Variants in SMC6 observed in about 807,000 individuals in gnomAD.
SMC6 encodes structural maintenance of chromosomes protein 6.
In SMC6, 79 loss-of-function variants were observed where a neutral mutation model predicts 142.2. That is an observed-to-expected ratio of 0.56 (90% confidence interval 0.46 to 0.67). The LOEUF (loss-of-function observed/expected upper bound fraction) is 0.67, where lower values mean the gene tolerates loss of function less well. Ranked by LOEUF, SMC6 falls within the 30% of genes least tolerant of loss-of-function variation. The pLI is 0.00. For synonymous variants in SMC6, 411 were observed against 412.4 expected, an observed-to-expected ratio of 1.00 and a Z score of 0.04; for missense variants, 1,072 against 1,284.0, an observed-to-expected ratio of 0.83 and a Z score of 2.52.
chr2:17,683,877 G>A, intron 23 of SMC6, 114 bp from the exon 24 acceptor site: 1 of 882,468 alleles, frequency 1.1e-6, no homozygotes, highest in Admixed American at 2.3e-5. Context: ...AGTACTAAGG[G>A]GGCCTAGTAG....
chr2:17,675,836 G>A (rs1666973999), intron 25 of SMC6, among the ~76,000 whole-genome samples: 1 of 151,956 alleles, frequency 6.6e-6, no homozygotes, highest in African/African-American at 2.4e-5. Flanking sequence ...TAAATTTCAG[G>A]TATGGTTTTC....
chr2:17,752,480 A>G (rs1162453308), intron 2 of SMC6, among the ~76,000 whole-genome samples: 1 of 152,226 alleles, frequency 6.6e-6, no homozygotes, highest in African/African-American at 2.4e-5. Flanking sequence ...TTGCATAAGA[A>G]GAACTGAAAC....
intron 20 of SMC6, 50 bp downstream of exon 20, chr2:17,701,779 G>A: frequency 8.8e-7 from 1 of 1,132,300 alleles, no homozygotes; most frequent in South Asian, 1.5e-5. Context: ...TAACCTAAAT[G>A]GTGGCTTTAC....
At chr2:17,746,982 C>A (rs1466437623) in intron 2 of SMC6, among the ~76,000 whole-genome samples, 1 of 152,154 alleles carries the variant, frequency 6.6e-6, no homozygotes, top group African/African-American at 2.4e-5. Flanking sequence ...GCTCCCCTAC[C>A]CATGCAAGCA....
chr2:17,669,211 T>C (rs369929123), intron 26 of SMC6, among the ~76,000 whole-genome samples: 27 of 152,058 alleles, frequency 1.8e-4, no homozygotes, highest in African/African-American at 5.8e-4. Flanking sequence ...TTAATCAAGG[T>C]AGGGAATTCA....
chr2:17,708,434 G>C (rs114365195), intron 17 of SMC6, among the ~76,000 whole-genome samples: 2,137 of 152,142 alleles, frequency 0.014, 17 homozygotes, highest in Non-Finnish European at 0.016. Context: ...AAGAACAGCT[G>C]AAAATTATAA....
intron 2 of SMC6, among the ~76,000 whole-genome samples, chr2:17,750,827 C>A (rs1428752684): frequency 6.9e-6 from 1 of 145,134 alleles, no homozygotes; most frequent in Non-Finnish European, 1.5e-5. Context: ...ATGGTGAAAC[C>A]CCATCTCTAC....
chr2:17,714,992 G>T lies in SMC6; in HGVS notation c.1599C>A (p.Ala533=). The T allele has an allele frequency of 6.2e-7, 1 of 1,613,970 alleles. No individual in the cohort carries two copies. The highest frequency in any genetic ancestry group is 8.5e-7 in the Non-Finnish European group (1 of 1,179,948). The change falls in exon 16 of 28, where the codon GCC becomes GCA. Residue 533 remains alanine, a synonymous_variant. Transcript: ENST00000448223. The part of the protein sequence containing the change: ...IESCLKGLLQ[A]YCCHNHADER... ...CATCAGCATGATTATGGCAACAATAGGCCTGCAGAAGCCCTTTTAAGCAAG... is the reference window on the plus strand; with the variant it reads ...CATCAGCATGATTATGGCAACAATATGCCTGCAGAAGCCCTTTTAAGCAAG...
chr2:17,710,122 C>G (rs1457504109), intron 16 of SMC6, among the ~76,000 whole-genome samples: 3 of 152,156 alleles, frequency 2.0e-5, no homozygotes, highest in African/African-American at 7.2e-5. Flanking sequence ...GCCAAGTAAC[C>G]AGAAGCAGGG....
intron 25 of SMC6, among the ~76,000 whole-genome samples, chr2:17,678,183 C>G (rs1371362876): frequency 6.6e-6 from 1 of 152,090 alleles, no homozygotes; most frequent in East Asian, 1.9e-4. Flanking sequence ...ACCATCTTTG[C>G]TTCCTTTTAG....
At chr2:17,687,844 C>T (rs1159295230) in intron 23 of SMC6, among the ~76,000 whole-genome samples, 2 of 151,906 alleles carry the variant, frequency 1.3e-5, no homozygotes, top group African/African-American at 2.4e-5. Context: ...ATAACTACAA[C>T]AATAAAGAAA....
chr2:17,708,437 A>C (rs1668659168), intron 17 of SMC6, among the ~76,000 whole-genome samples: 1 of 152,154 alleles, frequency 6.6e-6, no homozygotes, highest in Non-Finnish European at 1.5e-5. Context: ...AACAGCTGAA[A>C]ATTATAAAGT....
intron 5 of SMC6, among the ~76,000 whole-genome samples, chr2:17,733,250 GTGTTTGCTC>G (rs1170720954): frequency 1.3e-5 from 2 of 152,360 alleles, no homozygotes; most frequent in East Asian, 3.9e-4. Context: ...ACACAGTGAA[GTGTTTGCTC>G]TGTTGCTCCA....
intron 7 of SMC6, among the ~76,000 whole-genome samples, chr2:17,727,919 C>T (rs1324508575): frequency 2.6e-5 from 4 of 152,082 alleles, no homozygotes; most frequent in Admixed American, 1.3e-4. Flanking sequence ...ATTATATAGA[C>T]CAGACTCCAT....
At chr2:17,677,813 G>A (rs1354499938) in intron 25 of SMC6, among the ~76,000 whole-genome samples, 2 of 152,114 alleles carry the variant, frequency 1.3e-5, no homozygotes, top group Non-Finnish European at 2.9e-5. Flanking sequence ...AAATTAAAGA[G>A]AGAGTAAAAG....
At chr2:17,677,852 A>G (rs987801864) in intron 25 of SMC6, among the ~76,000 whole-genome samples, 5 of 152,182 alleles carry the variant, frequency 3.3e-5, no homozygotes, top group African/African-American at 1.2e-4. Context: ...TAAAATGCAG[A>G]GCTTTTAAAC....
At chr2:17,742,388 A>G (rs770524837) in intron 3 of SMC6, among the ~76,000 whole-genome samples, 6 of 152,208 alleles carry the variant, frequency 3.9e-5, no homozygotes, top group Admixed American at 6.5e-5. Flanking sequence ...TTGGCAATGT[A>G]TAAAGCATAT....
intron 3 of SMC6, 96 bp from the exon 4 acceptor site, chr2:17,741,825 CAATGAAAA>C: frequency 1.4e-6 from 1 of 700,972 alleles, no homozygotes; most frequent in East Asian, 2.7e-5. Context: ...GCACCATCAC[CAATGAAAA>C]AATTTACAGA....
intron 23 of SMC6, 41 bp downstream of exon 23, chr2:17,695,111 A>G: frequency 6.2e-7 from 1 of 1,603,784 alleles, no homozygotes; most frequent in Non-Finnish European, 8.5e-7. Context: ...GATGATATGC[A>G]TGAATAATGT....
Sources: allele counts gnomAD v4.1 joint callset (sites outside exome capture counted in the v4.1 genomes callset), GRCh38; gene constraint gnomAD v4.1.1; transcripts MANE v1.5; gene names NCBI Gene and HGNC (gene_info 2026-07-23, HGNC 2026-07-21).